The following ADGRL3 variants were observed in gnomAD, a reference collection of about 807,000 sequenced individuals.
ADGRL3 encodes calcium-independent alpha-latrotoxin receptor 3.
In ADGRL3, 62 loss-of-function variants were observed where a neutral mutation model predicts 153.5. That is an observed-to-expected ratio of 0.40 (90% confidence interval 0.33 to 0.50). The LOEUF (loss-of-function observed/expected upper bound fraction) is 0.50. Ranked by LOEUF, ADGRL3 falls within the 20% of genes least tolerant of loss-of-function variation. The pLI, the probability that ADGRL3 is intolerant of heterozygous loss-of-function variation, is 0.47. For missense variants in ADGRL3, 1,641 were observed against 1,859.4 expected (o/e 0.88, Z 2.16); for synonymous variants, 710 against 672.5 (o/e 1.06, Z -0.86).
At chr4:61,647,028 C>G (rs574500125) in intron 5 of ADGRL3, among the ~76,000 whole-genome samples, 1 of 152,224 alleles carries the variant, frequency 6.6e-6, no homozygotes, top group Admixed American at 6.5e-5. Flanking sequence ...GGGTGGGAGT[C>G]ACTCGATTTT....
At position 61,718,165 on chromosome 4, in the gene ADGRL3, A is replaced by G. The variant is rs1356936545; in HGVS notation, c.584-12457A>G. On this transcript the variant is annotated intron_variant, in intron 6 of 26. Transcript: ENST00000683033. Reference sequence around the variant, plus strand: ...TTTGTAATTAGAATATTAACCAAAAATAACAAATAGATGTATTGATTAAAC... The same window carrying G: ...TTTGTAATTAGAATATTAACCAAAAGTAACAAATAGATGTATTGATTAAAC... Among the ~76,000 whole-genome samples the G allele has an allele frequency of 2.6e-5, 4 of 152,356 alleles. No homozygotes were observed. In the East Asian group the frequency reaches 7.7e-4, roughly 29 times the overall value.
At chr4:61,461,687 T>C (rs2152594537) in intron 2 of ADGRL3, among the ~76,000 whole-genome samples, 1 of 152,344 alleles carries the variant, frequency 6.6e-6, no homozygotes, top group South Asian at 2.1e-4. Context: ...CTATTGTGTA[T>C]GAATTATATT....
intron 13 of ADGRL3, among the ~76,000 whole-genome samples, chr4:61,932,752 T>G (rs1187298464): frequency 1.3e-5 from 2 of 152,138 alleles, no homozygotes; most frequent in African/African-American, 2.4e-5. Flanking sequence ...GTGTTAATTC[T>G]TCTTTAAGTG....
chr4:61,395,365 T>C (rs749608186), intron 2 of ADGRL3, among the ~76,000 whole-genome samples: 2 of 151,996 alleles, frequency 1.3e-5, no homozygotes, highest in Non-Finnish European at 2.9e-5. Flanking sequence ...TATATGCTTA[T>C]ATGGCTTGTG....
chr4:61,696,880 T>A (rs2095653242), intron 6 of ADGRL3, among the ~76,000 whole-genome samples: 1 of 152,038 alleles, frequency 6.6e-6, no homozygotes, highest in Non-Finnish European at 1.5e-5. Context: ...TTTCACCATG[T>A]TGGTGAGGCT....
intron 8 of ADGRL3, among the ~76,000 whole-genome samples, chr4:61,751,012 T>G (rs2096750818): frequency 6.6e-6 from 1 of 152,138 alleles, no homozygotes; most frequent in Non-Finnish European, 1.5e-5. Flanking sequence ...CGAGCATTAC[T>G]GCCTGAGCTC....
intron 5 of ADGRL3, among the ~76,000 whole-genome samples, chr4:61,600,305 T>G (rs866349874): frequency 9.7e-3 from 8 of 824 alleles, no homozygotes; most frequent in Admixed American, 0.022. Context: ...GAGGCTGCCT[T>G]GCAAAAAAAA....
At chr4:61,945,706 C>A (rs372643686) in intron 15 of ADGRL3, among the ~76,000 whole-genome samples, 1 of 150,280 alleles carries the variant, frequency 6.7e-6, no homozygotes, top group South Asian at 2.1e-4. Flanking sequence ...TTTCCAGGTG[C>A]GTCCGTCACC....
At chr4:62,020,175 A>G (rs916884123) in intron 21 of ADGRL3, among the ~76,000 whole-genome samples, 3 of 152,144 alleles carry the variant, frequency 2.0e-5, no homozygotes, top group African/African-American at 7.2e-5. Flanking sequence ...TGAAAATCCC[A>G]TACAGTATGA....
chr4:62,019,354 G>A (rs969036592), intron 21 of ADGRL3, among the ~76,000 whole-genome samples: 1 of 151,960 alleles, frequency 6.6e-6, no homozygotes, highest in Admixed American at 6.6e-5. Flanking sequence ...TATTTTATTA[G>A]TTATTGGTAT....
At chr4:61,834,208 G>A (rs779482677) in intron 9 of ADGRL3, among the ~76,000 whole-genome samples, 64 of 150,410 alleles carry the variant, frequency 4.3e-4, no homozygotes, top group Non-Finnish European at 7.4e-4. Context: ...GAGAACATGC[G>A]GTGTTTGGTT....
intron 2 of ADGRL3, among the ~76,000 whole-genome samples, chr4:61,470,262 A>G (rs2097932067): frequency 6.6e-6 from 1 of 151,990 alleles, no homozygotes; most frequent in Admixed American, 6.6e-5. Context: ...ACTAGCATCT[A>G]GGGAAGGGCA....
At chr4:61,659,780 A>G (rs1292615161) in intron 5 of ADGRL3, among the ~76,000 whole-genome samples, 2 of 150,460 alleles carry the variant, frequency 1.3e-5, no homozygotes, top group African/African-American at 4.9e-5. Context: ...AGATATTTAT[A>G]TTTTGCATTT....
At position 61,252,252 on chromosome 4, in the gene ADGRL3, A is replaced by G. The variant is rs529989181; in HGVS notation, c.-240+50487A>G. 7.2e-5 allele frequency among the ~76,000 whole-genome samples: 11 copies of G among 152,268 alleles called. No homozygotes were observed. The South Asian group carries it at 2.1e-3, about 29-fold the overall frequency. ...AGATCAGTATCATGCATATAAGTTC[A>G]TTGTGTGTACATTAAATTAAATAAA... On this transcript the variant is annotated intron_variant, in intron 1 of 26. Transcript: ENST00000683033.
intron 18 of ADGRL3, among the ~76,000 whole-genome samples, chr4:61,980,583 G>A (rs1362746801): frequency 1.3e-5 from 2 of 151,818 alleles, no homozygotes; most frequent in African/African-American, 2.4e-5. Flanking sequence ...GGGACTACAG[G>A]CATTTGCCAC....
At chr4:61,676,464 T>C (rs1012311144) in intron 5 of ADGRL3, among the ~76,000 whole-genome samples, 11 of 148,654 alleles carry the variant, frequency 7.4e-5, no homozygotes, top group African/African-American at 2.7e-4. Context: ...TCTAAAATAC[T>C]TTTTTTTTTG....
chr4:61,803,948 A>T (rs530640822), intron 8 of ADGRL3, among the ~76,000 whole-genome samples: 1 of 152,284 alleles, frequency 6.6e-6, no homozygotes, highest in East Asian at 1.9e-4. Context: ...CCTTTGATTA[A>T]TGCTGCAAAC....
chr4:61,920,824 T>G (rs1384537032), intron 13 of ADGRL3, among the ~76,000 whole-genome samples: 1 of 152,196 alleles, frequency 6.6e-6, no homozygotes, highest in African/African-American at 2.4e-5. Context: ...AAACTATTCC[T>G]TATTATATCT....
At chr4:61,703,155 G>A (rs1029304295) in intron 6 of ADGRL3, among the ~76,000 whole-genome samples, 7 of 151,982 alleles carry the variant, frequency 4.6e-5, no homozygotes, top group Admixed American at 6.6e-5. Context: ...AGTAATTTAC[G>A]TAAATTATCC....
Sources: gnomAD v4.1 joint callset for allele counts (sites outside exome capture counted in the v4.1 genomes callset) on GRCh38, gnomAD v4.1.1 for gene constraint, MANE v1.5 for transcripts, NCBI Gene and HGNC (gene_info 2026-07-23, HGNC 2026-07-21) for gene names.